MORC3: variants seen among roughly 807,000 people sequenced by gnomAD.
The protein encoded by MORC3 is MORC family CW-type zinc finger 3, also known as MORC family CW-type zinc finger protein 3.
In MORC3, 31 loss-of-function variants were observed where a neutral mutation model predicts 109.1. The observed-to-expected ratio is 0.28, with a 90% CI of 0.21 to 0.38. The LOEUF is 0.38. MORC3 is among the 10% of genes least tolerant of loss of function. The pLI is 1.00. For synonymous variants in MORC3, 395 were observed against 380.7 expected, an observed-to-expected ratio of 1.04 and a Z score of -0.44; for missense variants, 867 against 1,135.8, an observed-to-expected ratio of 0.76 and a Z score of 3.40.
chr21:36,365,517 A>G (rs983254317), intron 14 of MORC3, among the ~76,000 whole-genome samples: 3 of 152,228 alleles, frequency 2.0e-5, no homozygotes, highest in Non-Finnish European at 4.4e-5. Flanking sequence ...GGAAGATTAT[A>G]AATAACTAAC....
chr21:36,347,563 G>A (rs2146312653), intron 8 of MORC3, among the ~76,000 whole-genome samples: 1 of 152,278 alleles, frequency 6.6e-6, no homozygotes, highest in Non-Finnish European at 1.5e-5. Context: ...CATTAAATAA[G>A]TATCAGATAC....
At chr21:36,327,991 C>T (rs1247641066) in intron 1 of MORC3, among the ~76,000 whole-genome samples, 1 of 151,926 alleles carries the variant, frequency 6.6e-6, no homozygotes, top group East Asian at 1.9e-4. Flanking sequence ...ATTGCCATGC[C>T]TCAGCCACCC....
chr21:36,341,362 G>A (rs1047765925), intron 5 of MORC3, 37 bp from the exon 6 acceptor site: 4 of 1,574,064 alleles, frequency 2.5e-6, no homozygotes, highest in Non-Finnish European at 3.5e-6. Flanking sequence ...TTGCTGTGAA[G>A]TTAAATTTTG....
Position 36,320,218 on chromosome 21 carries a change from A to G in MORC3, c.-47A>G. 2 of 1,531,800 alleles carry G rather than the reference A, an allele frequency of 1.3e-6. No individual in the cohort carries two copies. The highest frequency in any genetic ancestry group is 1.2e-5 in the South Asian group (1 of 84,938). 94.9% of individuals were successfully genotyped at this position (1,531,800 alleles called of 1,614,324 possible). A position where few individuals can be genotyped will look rare whatever the true frequency, so the allele number is the denominator to read the frequency against. ...CTCCACAGTCGTTCCGCCACCTCCC[A>G]GTCGGGTTGCGGCGGAGGCCGTTCC... On this transcript the variant is annotated 5_prime_UTR_variant, in exon 1 of 17. Coordinates refer to ENST00000400485, the MANE Select transcript of MORC3 (RefSeq NM_015358.3).
At chr21:36,336,368 G>GATT (rs2146298121) in intron 2 of MORC3, among the ~76,000 whole-genome samples, 1 of 152,018 alleles carries the variant, frequency 6.6e-6, no homozygotes, top group South Asian at 2.1e-4. Flanking sequence ...TTAGCCTCTG[G>GATT]ATTAGCTGGG....
Position 36,344,574 on chromosome 21 carries a change from T to G in MORC3, c.757-5T>G, listed in dbSNP as rs117131605. The G allele has an allele frequency of 0.023, 37,751 of 1,611,542 alleles. 494 individuals carry two copies. Among genetic ancestry groups the G allele is most frequent in the Non-Finnish European group, 0.028 (32,895 of 1,178,896 alleles). ...ATACTAACTTCTTGTTATGTTATTT[T>G]CCAGGCTTATTGCAGTATATTATAT... is the stretch of plus-strand genomic sequence containing the variant. On this transcript the variant is annotated splice_region_variant and splice_polypyrimidine_tract_variant and intron_variant, in intron 6 of 16. Coordinates refer to ENST00000400485, the MANE Select transcript of MORC3 (RefSeq NM_015358.3).
intron 15 of MORC3, among the ~76,000 whole-genome samples, chr21:36,370,121 T>C (rs765648853): frequency 5.3e-5 from 8 of 151,972 alleles, no homozygotes; most frequent in Non-Finnish European, 8.8e-5. Context: ...GGCAGGAGAA[T>C]CACTTGAACC....
At chr21:36,342,882 G>A (rs571612027) in intron 6 of MORC3, among the ~76,000 whole-genome samples, 2 of 151,754 alleles carry the variant, frequency 1.3e-5, no homozygotes, top group South Asian at 2.1e-4. Context: ...AGCTGGGCAC[G>A]GTTGCGGGAG....
chr21:36,323,411 T>C (rs566521718), intron 1 of MORC3, among the ~76,000 whole-genome samples: 1 of 152,282 alleles, frequency 6.6e-6, no homozygotes, highest in East Asian at 1.9e-4. Context: ...AAAAATTACA[T>C]GAGCAGATAG....
intron 2 of MORC3, among the ~76,000 whole-genome samples, chr21:36,334,197 A>G (rs953374952): frequency 5.9e-5 from 9 of 152,148 alleles, no homozygotes; most frequent in South Asian, 2.1e-4. Context: ...TGAGGCTGCA[A>G]TGAGCCGTGA....
chr21:36,370,652 T>G (rs13050759), intron 15 of MORC3, among the ~76,000 whole-genome samples: 2 of 103,758 alleles, frequency 1.9e-5, no homozygotes, highest in Non-Finnish European at 3.9e-5. Context: ...TTTTTTTTTT[T>G]TTTTTTTTTT....
intron 6 of MORC3, among the ~76,000 whole-genome samples, chr21:36,343,810 A>G (rs1251165749): frequency 6.6e-6 from 1 of 151,976 alleles, no homozygotes; most frequent in Non-Finnish European, 1.5e-5. Context: ...TGTATTTGTC[A>G]TTTACAGATT....
intron 1 of MORC3, among the ~76,000 whole-genome samples, chr21:36,328,561 G>A (rs1015062154): frequency 3.3e-5 from 5 of 152,094 alleles, no homozygotes; most frequent in African/African-American, 4.8e-5. Context: ...GGCTGGTCTT[G>A]AACTCCTAAC....
intron 16 of MORC3, among the ~76,000 whole-genome samples, chr21:36,373,942 T>A (rs1432502254): frequency 6.6e-6 from 1 of 152,232 alleles, no homozygotes; most frequent in Non-Finnish European, 1.5e-5. Flanking sequence ...GGGCATTTTT[T>A]AAAAAGTCTA....
intron 8 of MORC3, among the ~76,000 whole-genome samples, chr21:36,345,309 A>G (rs1310984483): frequency 6.7e-6 from 1 of 150,366 alleles, no homozygotes; most frequent in Non-Finnish European, 1.5e-5. Context: ...GCAGTGGCAC[A>G]ATCTTGGCTA....
rs1247995714 is a variant in MORC3 at position 36,339,522 on chromosome 21, A to C, written c.608+601A>C. Reference sequence around the variant, plus strand: ...TTCTCAAAAAAAAAAAAAAAAAAAGAAAAAAGAAAAAAAGCAATGAGAAGA... The same window carrying C: ...TTCTCAAAAAAAAAAAAAAAAAAAGCAAAAAGAAAAAAAGCAATGAGAAGA... On this transcript the variant is annotated intron_variant, in intron 5 of 16. Coordinates refer to ENST00000400485, the MANE Select transcript of MORC3 (RefSeq NM_015358.3). 5.7e-5 allele frequency: 8 copies of C among 139,604 alleles called. No individual in the cohort carries two copies. The East Asian group carries it at 1.1e-3, about 20-fold the overall frequency. 8.6% of individuals were successfully genotyped at this position (139,604 alleles called of 1,614,324 possible). A position where few individuals can be genotyped will look rare whatever the true frequency, so the allele number is the denominator to read the frequency against.
At chr21:36,325,315 C>T (rs998933146) in intron 1 of MORC3, among the ~76,000 whole-genome samples, 2 of 152,178 alleles carry the variant, frequency 1.3e-5, no homozygotes, top group African/African-American at 4.8e-5. Context: ...AAATCAGCTT[C>T]CCAAGGAGGA....
At chr21:36,329,156 G>A (rs1032986379) in intron 1 of MORC3, among the ~76,000 whole-genome samples, 8 of 152,096 alleles carry the variant, frequency 5.3e-5, no homozygotes, top group African/African-American at 1.7e-4. Context: ...TTAGCTGGGC[G>A]TGGTGGCAGT....
chr21:36,355,794 A>C (rs1177696716), intron 9 of MORC3, among the ~76,000 whole-genome samples: 1 of 148,844 alleles, frequency 6.7e-6, no homozygotes, highest in Non-Finnish European at 1.5e-5. Flanking sequence ...CAAAAAATGA[A>C]AAAAAAAAAA....
Sources: allele counts gnomAD v4.1 joint callset (sites outside exome capture counted in the v4.1 genomes callset), GRCh38; gene constraint gnomAD v4.1.1; transcripts MANE v1.5; gene names NCBI Gene and HGNC (gene_info 2026-07-23, HGNC 2026-07-21).